Variants in TTC27 observed in about 807,000 individuals in gnomAD.
TTC27 encodes tetratricopeptide repeat protein 27.
TTC27 carries 79 observed loss-of-function variants against 115.9 expected under a neutral mutation model. The ratio of observed to expected loss-of-function variants is 0.68; its 90% CI spans 0.57 to 0.82. TTC27 has a LOEUF of 0.82. Among genes scored for constraint, TTC27 ranks in the 40% least tolerant of loss-of-function variants. The probability of loss-of-function intolerance (pLI) is 0.00; values close to 1 mark genes in which losing one functional copy is unlikely to be tolerated. For synonymous variants in TTC27, 401 were observed against 356.0 expected (o/e 1.13, Z -1.42); for missense variants, 1,054 against 993.1 (o/e 1.06, Z -0.82).
At chr2:32,698,406 A>G (rs945955115) in intron 9 of TTC27, among the ~76,000 whole-genome samples, 8 of 148,420 alleles carry the variant, frequency 5.4e-5, no homozygotes, top group Admixed American at 1.4e-4. Flanking sequence ...TGCTGGGATT[A>G]CAGTTAAGCC....
intron 4 of TTC27, 90 bp from the exon 5 acceptor site, chr2:32,650,041 A>C (rs571159909): frequency 9.6e-7 from 1 of 1,046,894 alleles, no homozygotes; most frequent in Non-Finnish European, 1.4e-6. Context: ...TAATTTTATG[A>C]ATGTAAAAAA....
chr2:32,716,397 G>A (rs1667753201), intron 10 of TTC27, among the ~76,000 whole-genome samples: 1 of 152,096 alleles, frequency 6.6e-6, no homozygotes, highest in South Asian at 2.1e-4. Context: ...CACTCAGGAG[G>A]ATTTTAAATG....
In TTC27 at chr2:32,806,531, A is replaced by G. The variant is rs1267828613; in HGVS notation, c.1999-4493A>G. Among the ~76,000 whole-genome samples the G allele has an allele frequency of 2.6e-5, 4 of 152,332 alleles. No homozygotes were observed. In the East Asian group the frequency reaches 7.7e-4, roughly 29 times the overall value. ...ATTACTGTAATGGTTTTTAAAAATAATTGCTATCAGAGGCTGAGGCGGGCA... is the reference window on the plus strand; with the variant it reads ...ATTACTGTAATGGTTTTTAAAAATAGTTGCTATCAGAGGCTGAGGCGGGCA... On this transcript the variant is annotated intron_variant, in intron 16 of 19. Transcript: ENST00000317907.
intron 5 of TTC27, among the ~76,000 whole-genome samples, chr2:32,651,108 C>T (rs944408752): frequency 1.1e-4 from 17 of 152,140 alleles, no homozygotes; most frequent in South Asian, 6.2e-4. Flanking sequence ...GTTACAGAGA[C>T]GGGATTTGAT....
At chr2:32,757,691 C>G (rs1558328036) in intron 12 of TTC27, among the ~76,000 whole-genome samples, 1 of 149,452 alleles carries the variant, frequency 6.7e-6, no homozygotes, top group East Asian at 2.0e-4. Context: ...GTAAAAACAA[C>G]TTTTTTTTTT....
At chr2:32,782,110 T>G (rs577113773) in intron 14 of TTC27, among the ~76,000 whole-genome samples, 2 of 152,310 alleles carry the variant, frequency 1.3e-5, no homozygotes, top group South Asian at 4.1e-4. Context: ...TTAAGCTGAT[T>G]TAAAAAAACA....
At chr2:32,639,035 T>C (rs567169371) in intron 3 of TTC27, among the ~76,000 whole-genome samples, 46 of 152,150 alleles carry the variant, frequency 3.0e-4, no homozygotes, top group African/African-American at 1.1e-3. Flanking sequence ...GGTTTCACCG[T>C]GTTAGCCAGG....
chr2:32,631,767 T>C (rs938258677), intron 2 of TTC27, among the ~76,000 whole-genome samples: 1 of 152,152 alleles, frequency 6.6e-6, no homozygotes, highest in African/African-American at 2.4e-5. Flanking sequence ...AGAATGCTAC[T>C]ACAGGCTTTT....
At chr2:32,631,909 C>G (rs554216735) in intron 2 of TTC27, among the ~76,000 whole-genome samples, 186 of 151,378 alleles carry the variant, frequency 1.2e-3, no homozygotes, top group African/African-American at 4.0e-3. Context: ...CTCCCAAGTT[C>G]AAGTGATTCT....
chr2:32,786,937 A>C lies in TTC27; in HGVS notation c.1833-47A>C, dbSNP rs200800196. 15 of 1,484,514 alleles carry C rather than the reference A, an allele frequency of 1.0e-5. No homozygotes were observed. The Admixed American group carries it at 1.4e-4, about 14-fold the overall frequency. 92.0% of individuals were successfully genotyped at this position (1,484,514 alleles called of 1,614,324 possible). Reference sequence around the variant, plus strand: ...ACATTTAGCTATGCTTTATTCTAATAAAAAAAGAGTTCATTATTGCTCTCT... The same window carrying C: ...ACATTTAGCTATGCTTTATTCTAATCAAAAAAGAGTTCATTATTGCTCTCT... On this transcript the variant is annotated intron_variant, in intron 15 of 19. Coordinates refer to ENST00000317907, the MANE Select transcript of TTC27 (RefSeq NM_017735.5).
At chr2:32,713,774 G>A (rs1235285137) in intron 10 of TTC27, among the ~76,000 whole-genome samples, 1 of 151,374 alleles carries the variant, frequency 6.6e-6, no homozygotes, top group Non-Finnish European at 1.5e-5. Context: ...TCTTTTTTTT[G>A]ACTTTTAACT....
intron 8 of TTC27, 43 bp from the exon 9 acceptor site, chr2:32,678,813 C>A: frequency 7.1e-7 from 1 of 1,411,928 alleles, no homozygotes; most frequent in Non-Finnish European, 9.9e-7. Context: ...TTAGCTACAA[C>A]ATGCATCTTA....
chr2:32,803,931 C>G (rs1412847444), intron 16 of TTC27, among the ~76,000 whole-genome samples: 1 of 151,650 alleles, frequency 6.6e-6, no homozygotes, highest in Non-Finnish European at 1.5e-5. Flanking sequence ...CGCTTGAACT[C>G]TGGCATTGGA....
intron 10 of TTC27, among the ~76,000 whole-genome samples, chr2:32,708,841 C>A (rs1405119373): frequency 6.6e-6 from 1 of 152,156 alleles, no homozygotes; most frequent in Admixed American, 6.5e-5. Context: ...ATGACTCTAT[C>A]TGCTCCCTTG....
intron 4 of TTC27, among the ~76,000 whole-genome samples, chr2:32,641,524 C>T (rs892396037): frequency 6.6e-6 from 1 of 152,238 alleles, no homozygotes; most frequent in Non-Finnish European, 1.5e-5. Flanking sequence ...CAGTAGTGGG[C>T]TGGATTTGCG....
chr2:32,796,817 A>G (rs1670716562), intron 16 of TTC27, among the ~76,000 whole-genome samples: 2 of 152,154 alleles, frequency 1.3e-5, no homozygotes, highest in Admixed American at 1.3e-4. Context: ...GACCAATAGA[A>G]TTGAACTAAA....
chr2:32,765,788 ATG>A, intron 13 of TTC27, among the ~76,000 whole-genome samples: 1 of 152,218 alleles, frequency 6.6e-6, no homozygotes, highest in Non-Finnish European at 1.5e-5. Context: ...CTTTTATGTT[ATG>A]GGGATGGCTT....
At chr2:32,739,147 A>C (rs1572564781) in intron 12 of TTC27, among the ~76,000 whole-genome samples, 1 of 152,250 alleles carries the variant, frequency 6.6e-6, no homozygotes, top group East Asian at 1.9e-4. Context: ...TGTTTGTTTA[A>C]CAAAGGAATG....
chr2:32,728,165 C>G (rs921657390), intron 10 of TTC27, among the ~76,000 whole-genome samples: 3 of 151,742 alleles, frequency 2.0e-5, no homozygotes, highest in African/African-American at 4.8e-5. Context: ...CTCAGCCTCC[C>G]GAGTACCTGG....
Sources: gnomAD v4.1 joint callset for allele counts (sites outside exome capture counted in the v4.1 genomes callset) on GRCh38, gnomAD v4.1.1 for gene constraint, MANE v1.5 for transcripts, NCBI Gene and HGNC (gene_info 2026-07-23, HGNC 2026-07-21) for gene names.